The following FAM53B variants were observed in gnomAD, a reference collection of about 807,000 sequenced individuals.
The protein encoded by FAM53B is family with sequence similarity 53 member B.
FAM53B carries 12 observed loss-of-function variants against 32.7 expected under a neutral mutation model. The observed-to-expected ratio is 0.37, with a 90% CI of 0.24 to 0.59. The LOEUF (loss-of-function observed/expected upper bound fraction) is 0.59. FAM53B is among the 20% of genes least tolerant of loss of function. FAM53B has a pLI of 0.72. For missense variants in FAM53B, 477 were observed against 577.7 expected (o/e 0.83, Z 1.79); for synonymous variants, 234 against 228.7 (o/e 1.02, Z -0.21).
intron 4 of FAM53B, among the ~76,000 whole-genome samples, chr10:124,636,804 C>A (rs947188745): frequency 6.6e-6 from 1 of 151,996 alleles, no homozygotes; most frequent in Admixed American, 6.5e-5. Context: ...AACACGGACA[C>A]CTGGGCCAGG....
rs771906928 is a variant in FAM53B at position 124,696,123 on chromosome 10, G to A, written c.133+35C>T. On this transcript the variant is annotated intron_variant, in intron 3 of 4. Coordinates refer to ENST00000337318, the MANE Select transcript of FAM53B (RefSeq NM_014661.4). ...ACTCAGACCCTGGCTGGAAGGACTA[G>A]GAGGACAGCTTCCAGGATGGCCTTG... 14 of 1,583,538 alleles carry A rather than the reference G, an allele frequency of 8.8e-6. No individual in the cohort carries two copies. The Admixed American group carries it at 2.2e-4, about 25-fold the overall frequency.
intron 2 of FAM53B, among the ~76,000 whole-genome samples, chr10:124,700,853 C>T (rs1168916311): frequency 1.3e-5 from 2 of 152,204 alleles, no homozygotes; most frequent in East Asian, 1.9e-4. Context: ...GGGGGAGGCT[C>T]GCGCTCATGC....
At chr10:124,735,172 A>G (rs912580202) in intron 1 of FAM53B, among the ~76,000 whole-genome samples, 3 of 152,198 alleles carry the variant, frequency 2.0e-5, no homozygotes, top group Non-Finnish European at 2.9e-5. Flanking sequence ...CAAAGCACCT[A>G]AAGAGAATCC....
chr10:124,702,345 A>G (rs1458681285), intron 2 of FAM53B, among the ~76,000 whole-genome samples: 1 of 152,264 alleles, frequency 6.6e-6, no homozygotes, highest in Non-Finnish European at 1.5e-5. Context: ...TTAGGAAGCT[A>G]AAGCAAAACC....
intron 4 of FAM53B, among the ~76,000 whole-genome samples, chr10:124,680,100 GGTGTCCAATAAAT>G (rs2134067705): frequency 6.6e-6 from 1 of 152,200 alleles, no homozygotes; most frequent in African/African-American, 2.4e-5. Flanking sequence ...AATTCCTCTT[GGTGTCCAATAAAT>G]GTGTTCAATC....
At chr10:124,695,987 C>T (rs1461552218) in intron 3 of FAM53B, among the ~76,000 whole-genome samples, 171 bp downstream of exon 3, 3 of 152,186 alleles carry the variant, frequency 2.0e-5, no homozygotes, top group African/African-American at 7.2e-5. Flanking sequence ...GTGCCTGTCC[C>T]TTCACTCAGG....
intron 3 of FAM53B, among the ~76,000 whole-genome samples, chr10:124,688,929 G>A (rs952468435): frequency 2.0e-5 from 3 of 152,280 alleles, no homozygotes; most frequent in African/African-American, 2.4e-5. Flanking sequence ...CTATGTTTTC[G>A]ATGGTGCCTT....
chr10:124,740,997 G>A (rs940318294), intron 1 of FAM53B, among the ~76,000 whole-genome samples: 2 of 152,170 alleles, frequency 1.3e-5, no homozygotes, highest in Admixed American at 1.3e-4. Flanking sequence ...GAAGCTGAGG[G>A]TAAAAACCTC....
At chr10:124,731,994 C>T (rs1950146713) in intron 1 of FAM53B, among the ~76,000 whole-genome samples, 1 of 152,178 alleles carries the variant, frequency 6.6e-6, no homozygotes, top group South Asian at 2.1e-4. Context: ...TGCCTATCTC[C>T]TCCTCCATGT....
intron 4 of FAM53B, among the ~76,000 whole-genome samples, chr10:124,653,997 G>C (rs1257641502): frequency 1.3e-5 from 2 of 152,206 alleles, no homozygotes; most frequent in African/African-American, 4.8e-5. Context: ...CCCTTCCTGG[G>C]CTGAAGTCTG....
At chr10:124,685,284 G>A (rs1949795571) in intron 3 of FAM53B, among the ~76,000 whole-genome samples, 1 of 152,182 alleles carries the variant, frequency 6.6e-6, no homozygotes, top group Non-Finnish European at 1.5e-5. Flanking sequence ...TGTCCTATGA[G>A]AAAAAATGTA....
At chr10:124,666,402 A>C (rs1949673049) in intron 4 of FAM53B, among the ~76,000 whole-genome samples, 1 of 152,220 alleles carries the variant, frequency 6.6e-6, no homozygotes, top group Non-Finnish European at 1.5e-5. Flanking sequence ...GTGCTGGTAG[A>C]TGGGGGCTCA....
chr10:124,708,469 T>C (rs1949976528), intron 1 of FAM53B, among the ~76,000 whole-genome samples: 3 of 152,340 alleles, frequency 2.0e-5, no homozygotes, highest in South Asian at 2.1e-4. Flanking sequence ...CCAGGTCGCA[T>C]TGAGAGACCT....
At chr10:124,701,544 A>G (rs1564881787) in intron 2 of FAM53B, among the ~76,000 whole-genome samples, 1 of 152,244 alleles carries the variant, frequency 6.6e-6, no homozygotes, top group African/African-American at 2.4e-5. Flanking sequence ...TCTGGAAACA[A>G]AAGAACAGGC....
At position 124,621,797 on chromosome 10, in the gene FAM53B, C is replaced by T. The variant is rs944066665; in HGVS notation, c.*1445G>A. 4.6e-5 allele frequency: 7 copies of T among 152,250 alleles called. No homozygotes were observed. The highest frequency in any genetic ancestry group is 4.1e-4 in the South Asian group (2 of 4,832). 9.4% of individuals were successfully genotyped at this position (152,250 alleles called of 1,614,324 possible). A position where few individuals can be genotyped will look rare whatever the true frequency, so the allele number is the denominator to read the frequency against. ...AGTGACTACAAAAGTGCTTTGAACG[C>T]GCGTGTCAGCCAACACAAGGGAGCG... On this transcript the variant is annotated 3_prime_UTR_variant, in exon 5 of 5. Transcript: ENST00000337318.
At chr10:124,665,647 G>C (rs536706229) in intron 4 of FAM53B, among the ~76,000 whole-genome samples, 1 of 152,190 alleles carries the variant, frequency 6.6e-6, no homozygotes, top group Non-Finnish European at 1.5e-5. Context: ...GAAAACCAAG[G>C]CTCAGAGGAT....
Position 124,620,215 on chromosome 10 carries a change from C to T in FAM53B, c.*3027G>A, listed in dbSNP as rs925852053. On this transcript the variant is annotated 3_prime_UTR_variant, in exon 5 of 5. Transcript: ENST00000337318. Reference sequence around the variant, plus strand: ...AGGTGCACGTCTGCCCGTGCAAATCCGGCCTCCACCGCGAGTAAGGCAAGA... The same window carrying T: ...AGGTGCACGTCTGCCCGTGCAAATCTGGCCTCCACCGCGAGTAAGGCAAGA... 7 of 152,644 alleles carry T rather than the reference C, an allele frequency of 4.6e-5. No homozygotes were observed. Among genetic ancestry groups the T allele is most frequent in the Admixed American group, 6.5e-5 (1 of 15,286 alleles). 9.5% of individuals were successfully genotyped at this position (152,644 alleles called of 1,614,324 possible). A position where few individuals can be genotyped will look rare whatever the true frequency, so the allele number is the denominator to read the frequency against.
At chr10:124,721,963 T>C (rs1950070942) in intron 1 of FAM53B, among the ~76,000 whole-genome samples, 1 of 152,226 alleles carries the variant, frequency 6.6e-6, no homozygotes, top group Middle Eastern at 3.4e-3. Context: ...GCTACGAGAA[T>C]ATGTGGAAGC....
rs1429239293 is a variant in FAM53B at position 124,695,487 on chromosome 10, ATTCCACTCCT to A, written c.133+661_133+670del. 8.5e-5 allele frequency among the ~76,000 whole-genome samples: 13 copies of A among 152,338 alleles called. No homozygotes were observed. The East Asian group carries it at 2.5e-3, about 29-fold the overall frequency. On this transcript the variant is annotated intron_variant, in intron 3 of 4. Coordinates refer to ENST00000337318, the MANE Select transcript of FAM53B (RefSeq NM_014661.4). Reference sequence around the variant, plus strand: ...AATGTCCCTGCCCTCCAGCCTGTCTATTCCACTCCTGGAAACTATCCTAGCAAATCATCAC... The same window carrying A: ...AATGTCCCTGCCCTCCAGCCTGTCTAGGAAACTATCCTAGCAAATCATCAC...
Sources: allele counts gnomAD v4.1 joint callset (sites outside exome capture counted in the v4.1 genomes callset), GRCh38; gene constraint gnomAD v4.1.1; transcripts MANE v1.5; gene names NCBI Gene and HGNC (gene_info 2026-07-23, HGNC 2026-07-21).